MRPS2: variants seen among roughly 807,000 people sequenced by gnomAD.
MRPS2 encodes the protein small ribosomal subunit protein uS2m.
Under a neutral mutation model 18.9 loss-of-function variants are expected in MRPS2, and 13 were observed. The observed-to-expected ratio is 0.69, with a 90% confidence interval of 0.45 to 1.09. The LOEUF is 1.09. MRPS2 is among the 50% of genes least tolerant of loss of function. The pLI is 0.00. For synonymous variants in MRPS2, 186 were observed against 178.4 expected, an observed-to-expected ratio of 1.04 and a Z score of -0.34; for missense variants, 389 against 421.7, an observed-to-expected ratio of 0.92 and a Z score of 0.68.
intron 3 of MRPS2, chr9:135,502,319 A>T: frequency 9.3e-7 from 1 of 1,075,292 alleles, no homozygotes; most frequent in South Asian, 2.5e-5. Context: ...AGGAGGAATG[A>T]CTGGTCCTGT....
In MRPS2 at chr9:135,501,008, C is replaced by G; in HGVS notation, c.54C>G (p.Ala18=). Residue 18 remains alanine, a synonymous_variant, in exon 2 of 4, where the codon GCC becomes GCG. Transcript: ENST00000241600. ...TCTACTTCCCCCCAGGTGCCCGGGC[C>G]CCGTCGCGCTGGTTGGGCTTTCTCG... ...LPRILGAGAR[A]PSRWLGFLGK... 1 of 1,611,928 alleles carries G rather than the reference C, an allele frequency of 6.2e-7. No homozygotes were observed. Among genetic ancestry groups the G allele is most frequent in the Non-Finnish European group, 8.5e-7 (1 of 1,179,562 alleles).
chr9:135,501,631 A>G (rs1329964376), intron 2 of MRPS2: 4 of 1,380,292 alleles, frequency 2.9e-6, no homozygotes, highest in Non-Finnish European at 3.8e-6. Context: ...AGGCTTACCC[A>G]GGAGCAAGGT....
In MRPS2 at chr9:135,503,855, C is replaced by T. The variant is rs377655650; in HGVS notation, c.613C>T (p.Pro205Ser). Residue 205 changes from proline to serine, a missense_variant, in exon 4 of 4, where the codon CCA becomes TCA. Pro to Ser is a moderately conservative substitution (Grantham distance 74, BLOSUM62 -1). Transcript: ENST00000241600. ...GCACACGCTCAACAACATCTTTGAG[C>T]CACACGTGGCCGTGAGAGACGCAGC... The part of the protein sequence containing the change: ...FLHTLNNIFE[P>S]HVAVRDAAKM... The T allele has an allele frequency of 3.1e-6, 5 of 1,613,786 alleles. No homozygotes were observed. Among genetic ancestry groups the T allele is most frequent in the Non-Finnish European group, 1.7e-6 (2 of 1,180,058 alleles).
At position 135,504,585 on chromosome 9, in the gene MRPS2, C is replaced by G. The variant is rs1255399394; in HGVS notation, c.*452C>G. ...GTAATGAGATGCTGCTGGCAGGCCA[C>G]TCAGAGGCTCCCAGCTGGGTTGGTG... On this transcript the variant is annotated 3_prime_UTR_variant, in exon 4 of 4. Coordinates refer to ENST00000241600, the MANE Select transcript of MRPS2 (RefSeq NM_016034.5). The surrounding 1 kb of genome is among the most constrained non-coding windows in gnomAD (Gnocchi z 4.3). 1.2e-5 allele frequency: 2 copies of G among 164,542 alleles called. No individual in the cohort carries two copies. The highest frequency in any genetic ancestry group is 4.8e-5 in the African/African-American group (2 of 41,416). The allele number at this position is 164,542 out of a possible 1,614,324, so 10.2% of individuals were successfully genotyped here. A position where few individuals can be genotyped will look rare whatever the true frequency, so the allele number is the denominator to read the frequency against.
Position 135,504,402 on chromosome 9 carries a change from GC to G in MRPS2, c.*271del. The stretch of plus-strand genomic sequence containing the variant: ...AGTTAGGACCTCAGTGGCTGGTATG[GC>G]CAAGCTGCTAGAAGATGCTGCTGTC... On this transcript the variant is annotated 3_prime_UTR_variant, in exon 4 of 4. Transcript: ENST00000241600. This position sits in a 1 kb window ranked among gnomAD's most constrained non-coding sequence, Gnocchi z 4.3. The G allele has an allele frequency of 1.9e-6, 1 of 517,924 alleles. No homozygotes were observed. The highest frequency in any genetic ancestry group is 3.4e-6 in the Non-Finnish European group (1 of 292,396). The allele number at this position is 517,924 out of a possible 1,614,324, so 32.1% of individuals were successfully genotyped here.
chr9:135,502,248 T>G, intron 3 of MRPS2: 1 of 1,259,624 alleles, frequency 7.9e-7, no homozygotes, highest in South Asian at 1.7e-5. Flanking sequence ...ATGGAAAGGC[T>G]GAGGGCAGAA....
chr9:135,501,054 G>T lies in MRPS2; in HGVS notation c.100G>T (p.Ala34Ser). 6.2e-7 allele frequency: 1 copy of T among 1,609,776 alleles called. No individual in the cohort carries two copies. Among genetic ancestry groups the T allele is most frequent in the South Asian group, 1.1e-5 (1 of 90,850 alleles). ...TCTCGGGAAGGCGACCCCCCGGCCT[G>T]CTCGGCCGAGCCGCAGGACGCTTGG... ...GFLGKATPRP[A>S]RPSRRTLGSA... The change falls in exon 2 of 4, where the codon GCT (alanine) becomes TCT (serine). Residue 34 changes from alanine to serine, a missense_variant. Physicochemically the swap from Ala to Ser is moderately conservative, Grantham distance 99. Coordinates refer to ENST00000241600, the MANE Select transcript of MRPS2 (RefSeq NM_016034.5).
At position 135,503,814 on chromosome 9, in the gene MRPS2, A is replaced by G. The variant is rs965894250; in HGVS notation, c.572A>G (p.Asp191Gly). 6.2e-7 allele frequency: 1 copy of G among 1,613,284 alleles called. No individual in the cohort carries two copies. The highest frequency in any genetic ancestry group is 1.3e-5 in the African/African-American group (1 of 74,890). Residue 191 changes from aspartate to glycine, a missense_variant, in exon 4 of 4, where the codon GAC (aspartate) becomes GGC (glycine). By Grantham distance (94) the Asp-to-Gly change is moderately conservative. Transcript: ENST00000241600. ...TTTGGCCCCACGGTCCGCCTGCCGG[A>G]CCTCATCATCTTCCTGCACACGCTC... ...LLFGPTVRLPDLIIFLHTLNN... is the reference protein window; with the variant it reads ...LLFGPTVRLPGLIIFLHTLNN...
chr9:135,502,177 G>A, intron 3 of MRPS2: 1 of 1,382,530 alleles, frequency 7.2e-7, no homozygotes, highest in South Asian at 1.5e-5. Context: ...CCTTGGTGTG[G>A]CGCTCACAGC....
chr9:135,502,301 C>G (rs1831165997), intron 3 of MRPS2: 2 of 1,107,236 alleles, frequency 1.8e-6, no homozygotes, highest in South Asian at 4.7e-5. Context: ...GCCTTCTGGG[C>G]TGCGGGGAGG....
intron 1 of MRPS2, 75 bp from the exon 2 acceptor site, chr9:135,500,923 C>G: frequency 1.3e-6 from 2 of 1,592,716 alleles, no homozygotes; most frequent in Non-Finnish European, 1.7e-6. Context: ...CGGAGGGGCC[C>G]GTTGGGGATG....
intron 3 of MRPS2, chr9:135,502,274 C>G: frequency 1.7e-6 from 2 of 1,192,340 alleles, no homozygotes; most frequent in South Asian, 2.0e-5. Flanking sequence ...AAGGTTGGTC[C>G]CCCCGGATCG....
At chr9:135,500,246 GC>G, upstream of MRPS2, 3 of 284,546 alleles carry the variant, frequency 1.1e-5, no homozygotes, top group Non-Finnish European at 1.3e-5. Flanking sequence ...GGGATGCTAT[GC>G]CCCCCAGCAC....
intron 3 of MRPS2, chr9:135,502,284 G>A (rs1317806632): frequency 1.2e-5 from 14 of 1,165,762 alleles, no homozygotes; most frequent in Middle Eastern, 2.3e-4. Flanking sequence ...CCCCCGGATC[G>A]GGCTGGGCCT....
chr9:135,502,363 G>GGT, intron 3 of MRPS2: 1 of 627,680 alleles, frequency 1.6e-6, no homozygotes, highest in Non-Finnish European at 2.1e-6. Context: ...GCTGTGGGGG[G>GGT]AGGGGATGGG....
In MRPS2 at chr9:135,501,058, G is replaced by C. The variant is rs769414094; in HGVS notation, c.104G>C (p.Arg35Pro). 2 of 1,609,724 alleles carry C rather than the reference G, an allele frequency of 1.2e-6. No individual in the cohort carries two copies. The highest frequency in any genetic ancestry group is 1.1e-5 in the South Asian group (1 of 90,866). Residue 35 changes from arginine (R) to proline (P), a missense_variant, in exon 2 of 4, where the codon CGG becomes CCG. Coordinates refer to ENST00000241600, the MANE Select transcript of MRPS2 (RefSeq NM_016034.5). The part of the protein sequence containing the change: ...FLGKATPRPA[R>P]PSRRTLGSAT... ...GGGAAGGCGACCCCCCGGCCTGCTCGGCCGAGCCGCAGGACGCTTGGAAGC... is the reference window on the plus strand; with the variant it reads ...GGGAAGGCGACCCCCCGGCCTGCTCCGCCGAGCCGCAGGACGCTTGGAAGC...
Position 135,501,356 on chromosome 9 carries a change from G to C in MRPS2, c.169+233G>C, listed in dbSNP as rs1026469321. ...GAGGGAGCGGGCGGGCCAGTGGTTA[G>C]CACAGGCTTCGCTCCCTAGGGGGGT... On this transcript the variant is annotated intron_variant, in intron 2 of 3. Coordinates refer to ENST00000241600, the MANE Select transcript of MRPS2 (RefSeq NM_016034.5). The C allele has an allele frequency of 5.0e-6, 7 of 1,387,974 alleles. No homozygotes were observed. In the Admixed American group the frequency reaches 9.4e-5, roughly 19 times the overall value. The allele number at this position is 1,387,974 out of a possible 1,614,324, so 86.0% of individuals were successfully genotyped here.
intron 3 of MRPS2, 85 bp downstream of exon 3, chr9:135,502,058 G>A: frequency 6.3e-7 from 1 of 1,586,472 alleles, no homozygotes; most frequent in South Asian, 1.1e-5. Flanking sequence ...TTTTGAACTG[G>A]CCTATGTCAG....
upstream of MRPS2, chr9:135,500,339 G>C: frequency 2.9e-6 from 1 of 339,918 alleles, no homozygotes; most frequent in East Asian, 4.8e-5. Context: ...ATTACAAACA[G>C]TTTTGGAGAG....
Sources: allele counts gnomAD v4.1 joint callset, GRCh38; gene constraint gnomAD v4.1.1; non-coding constraint Gnocchi (gnomAD v3.1); transcripts MANE v1.5; gene names NCBI Gene and HGNC (gene_info 2026-07-23, HGNC 2026-07-21).